LRBA: variants seen among roughly 807,000 people sequenced by gnomAD.
The protein encoded by LRBA is LPS responsive beige-like anchor protein, also known as lipopolysaccharide-responsive and beige-like anchor protein.
A neutral mutation model predicts 330.0 loss-of-function variants in LRBA; 176 were observed. The observed-to-expected ratio is 0.53, with a 90% CI of 0.47 to 0.60. The LOEUF is 0.60. Among genes scored for constraint, LRBA ranks in the 20% least tolerant of loss-of-function variants. The probability of loss-of-function intolerance (pLI) is 0.00; values close to 1 mark genes in which losing one functional copy is unlikely to be tolerated. For synonymous variants in LRBA, 1,230 were observed against 1,193.0 expected (o/e 1.03, Z -0.64); for missense variants, 3,259 against 3,444.8 (o/e 0.95, Z 1.35).
chr4:150,883,333 G>A (rs537877581), intron 17 of LRBA, among the ~76,000 whole-genome samples: 12 of 152,108 alleles, frequency 7.9e-5, no homozygotes, highest in South Asian at 2.1e-4. Context: ...GGGGGTGGGC[G>A]CCTGTAATAC....
At chr4:150,758,813 G>A (rs997653761) in intron 35 of LRBA, among the ~76,000 whole-genome samples, 3 of 150,366 alleles carry the variant, frequency 2.0e-5, no homozygotes, top group Non-Finnish European at 3.0e-5. Context: ...GGGCTCAAGC[G>A]ATCCTCCCAC....
chr4:150,308,501 A>T (rs964946798), intron 52 of LRBA, among the ~76,000 whole-genome samples: 3 of 152,214 alleles, frequency 2.0e-5, no homozygotes, highest in South Asian at 2.1e-4. Context: ...TTTATTGTTA[A>T]AGTGTAGTCT....
At chr4:150,956,290 A>G (rs1247837312) in intron 2 of LRBA, among the ~76,000 whole-genome samples, 1 of 148,990 alleles carries the variant, frequency 6.7e-6, no homozygotes, top group African/African-American at 2.6e-5. Flanking sequence ...CAAATTCCTC[A>G]GAGGGATACA....
chr4:150,786,971 C>T (rs2126623484), intron 34 of LRBA, among the ~76,000 whole-genome samples: 1 of 152,310 alleles, frequency 6.6e-6, no homozygotes, highest in Non-Finnish European at 1.5e-5. Context: ...GTGGCTGACG[C>T]CTCTAATCCC....
At chr4:150,325,252 G>A (rs917317412) in intron 49 of LRBA, among the ~76,000 whole-genome samples, 1 of 152,086 alleles carries the variant, frequency 6.6e-6, no homozygotes, top group Non-Finnish European at 1.5e-5. Context: ...GAAAAGAGCA[G>A]AAAAGATTTT....
Position 150,579,049 on chromosome 4 carries a change from A to G in LRBA, c.6330+8999T>C, listed in dbSNP as rs1770884195. ...CTCAAGTATGATGAGACGGATTATA[A>G]CAAGAGAATACAGATGAATCGGTCT... On this transcript the variant is annotated intron_variant, in intron 40 of 56. Transcript: ENST00000651943. The G allele has an allele frequency of 9.0e-6, 3 of 334,504 alleles. No homozygotes were observed. The Admixed American group carries it at 1.2e-4, about 13-fold the overall frequency. 20.7% of individuals were successfully genotyped at this position (334,504 alleles called of 1,614,324 possible).
At chr4:150,950,818 A>C (rs923453278) in intron 2 of LRBA, among the ~76,000 whole-genome samples, 2 of 152,190 alleles carry the variant, frequency 1.3e-5, no homozygotes, top group African/African-American at 4.8e-5. Context: ...CCCAGGTCAC[A>C]GAGAGGTCAC....
rs1356459394 is a variant in LRBA at position 150,905,914 on chromosome 4, T to C, written c.1679A>G (p.Asn560Ser). Residue 560 changes from asparagine (N) to serine (S), a missense_variant, in exon 13 of 57, where the codon AAT becomes AGT. Asn to Ser is a conservative substitution (Grantham distance 46). Transcript: ENST00000651943. ...CAATTGCTTGAGCAGGGGCATCCCA[T>C]TCTGCAGATTACTCAGATATTTTGA... ...AFSKYLSNLQ[N>S]GMPLLKQLCD... 1 of 1,613,534 alleles carries C rather than the reference T, an allele frequency of 6.2e-7. No individual in the cohort carries two copies. Among genetic ancestry groups the C allele is most frequent in the Admixed American group, 1.7e-5 (1 of 59,976 alleles).
chr4:150,544,140 T>TC (rs1285046102), intron 40 of LRBA, among the ~76,000 whole-genome samples: 1 of 151,848 alleles, frequency 6.6e-6, no homozygotes, highest in Non-Finnish European at 1.5e-5. Flanking sequence ...TTTTTTTTTT[T>TC]CTTTCAAGAC....
chr4:150,639,845 A>G (rs868830809), intron 37 of LRBA, among the ~76,000 whole-genome samples: 778 of 62,222 alleles, frequency 0.013, 95 homozygotes, highest in African/African-American at 0.049. Flanking sequence ...ATATATATAT[A>G]TATATATATA....
chr4:150,486,266 GA>G (rs200025360), intron 42 of LRBA, among the ~76,000 whole-genome samples: 83 of 150,932 alleles, frequency 5.5e-4, no homozygotes, highest in African/African-American at 2.0e-3. Flanking sequence ...TACTGCAAAA[GA>G]AAAAAAAGGG....
At chr4:150,976,984 C>A (rs1740253531) in intron 2 of LRBA, among the ~76,000 whole-genome samples, 1 of 152,192 alleles carries the variant, frequency 6.6e-6, no homozygotes, top group African/African-American at 2.4e-5. Context: ...ACAAGCCTCA[C>A]CACCGTGGCT....
Position 150,288,599 on chromosome 4 carries a change from T to C in LRBA, c.8018-2565A>G, listed in dbSNP as rs968276453. On this transcript the variant is annotated intron_variant, in intron 53 of 56. Transcript: ENST00000651943. ...GCGAGACTCCGTCTCAAAAAAATAA[T>C]AAAATAAGAAGTTATCAATACTTTA... is the stretch of plus-strand genomic sequence containing the variant. 2.6e-5 allele frequency among the ~76,000 whole-genome samples: 4 copies of C among 152,094 alleles called. No homozygotes were observed. In the East Asian group the frequency reaches 7.7e-4, roughly 29 times the overall value.
At chr4:150,878,991 G>A (rs1225217756) in intron 17 of LRBA, among the ~76,000 whole-genome samples, 1 of 151,170 alleles carries the variant, frequency 6.6e-6, no homozygotes, top group Admixed American at 6.6e-5. Context: ...AAAAACTTGA[G>A]TACAAGGAAC....
At position 150,285,965 on chromosome 4, in the gene LRBA, G is replaced by A. The variant is rs529531479; in HGVS notation, c.8087C>T (p.Ala2696Val). The A allele has an allele frequency of 2.2e-5, 35 of 1,596,414 alleles. No homozygotes were observed. The highest frequency in any genetic ancestry group is 2.4e-5 in the Non-Finnish European group (28 of 1,172,218). The stretch of plus-strand genomic sequence containing the variant: ...ACCACTCAACACCAGGCCTAGCTCC[G>A]CACACACCGCAGCACATGTGACCTC... ...DYEVTCAAVC[A>V]ELGLVLSGSQ... Residue 2696 changes from alanine to valine, a missense_variant, in exon 54 of 57, where the codon GCG becomes GTG. Transcript: ENST00000651943.
At chr4:150,901,504 T>A (rs796912821) in intron 13 of LRBA, among the ~76,000 whole-genome samples, 1 of 152,298 alleles carries the variant, frequency 6.6e-6, no homozygotes, top group African/African-American at 2.4e-5. Flanking sequence ...AAACTACTGA[T>A]CATTTATAAC....
chr4:150,855,139 T>A (rs766065915), intron 22 of LRBA, among the ~76,000 whole-genome samples: 1 of 152,120 alleles, frequency 6.6e-6, no homozygotes, highest in Non-Finnish European at 1.5e-5. Flanking sequence ...ACACCTGTAA[T>A]CCCAGCTACT....
chr4:150,693,265 G>GTTCCAA (rs1490348189), intron 36 of LRBA, among the ~76,000 whole-genome samples: 1 of 152,062 alleles, frequency 6.6e-6, no homozygotes, highest in Non-Finnish European at 1.5e-5. Context: ...TTATATAAGG[G>GTTCCAA]TCAAAAATTG....
At chr4:150,600,102 ATATTT>A (rs1472770718) in intron 37 of LRBA, among the ~76,000 whole-genome samples, 1 of 152,050 alleles carries the variant, frequency 6.6e-6, no homozygotes. Flanking sequence ...TGCTGGAAAA[ATATTT>A]TATAAGGAAA....
Sources: allele counts gnomAD v4.1 joint callset (sites outside exome capture counted in the v4.1 genomes callset), GRCh38; gene constraint gnomAD v4.1.1; transcripts MANE v1.5; gene names NCBI Gene and HGNC (gene_info 2026-07-23, HGNC 2026-07-21).